Variants in PTPRN2 observed in about 807,000 individuals in gnomAD.
PTPRN2 encodes the protein protein tyrosine phosphatase receptor type N2, also known as receptor-type tyrosine-protein phosphatase N2.
A neutral mutation model predicts 118.8 loss-of-function variants in PTPRN2; 74 were observed. The ratio of observed to expected loss-of-function variants is 0.62; its 90% confidence interval spans 0.52 to 0.76. The LOEUF is 0.76. PTPRN2 is among the 30% of genes least tolerant of loss of function. The pLI is 0.00. For missense variants in PTPRN2, 1,481 were observed against 1,394.4 expected (o/e 1.06, Z -0.99); for synonymous variants, 641 against 608.0 (o/e 1.05, Z -0.80).
chr7:158,581,136 A>G (rs1828604327), intron 1 of PTPRN2, among the ~76,000 whole-genome samples: 1 of 152,178 alleles, frequency 6.6e-6, no homozygotes, highest in Non-Finnish European at 1.5e-5. Context: ...ACATGTTCTG[A>G]CAGCGTGTAG....
chr7:158,433,048 TCTGCTCTC>T (rs1316336506), intron 2 of PTPRN2, among the ~76,000 whole-genome samples: 2 of 152,378 alleles, frequency 1.3e-5, no homozygotes, highest in Admixed American at 1.3e-4. Flanking sequence ...AATCACACTC[TCTGCTCTC>T]CTGAATCCGG....
At chr7:158,023,668 G>A (rs1430554983) in intron 11 of PTPRN2, among the ~76,000 whole-genome samples, 1 of 152,122 alleles carries the variant, frequency 6.6e-6, no homozygotes, top group Non-Finnish European at 1.5e-5. Flanking sequence ...CTTGCATTCA[G>A]CAGACACACA....
At chr7:157,827,912 A>C (rs1807295514) in intron 12 of PTPRN2, among the ~76,000 whole-genome samples, 2 of 152,248 alleles carry the variant, frequency 1.3e-5, no homozygotes, top group Admixed American at 6.5e-5. Flanking sequence ...AAAGGTAAAC[A>C]TAAAGAAAAT....
chr7:157,613,938 C>G, intron 15 of PTPRN2: 1 of 449,442 alleles, frequency 2.2e-6, no homozygotes, highest in Non-Finnish European at 4.6e-6. Flanking sequence ...GGCCACATGG[C>G]CAGGGGCGAC....
intron 12 of PTPRN2, among the ~76,000 whole-genome samples, chr7:157,867,883 G>A (rs1007173015): frequency 5.9e-5 from 9 of 152,178 alleles, no homozygotes; most frequent in African/African-American, 1.4e-4. Context: ...GCAAAGGGCC[G>A]CAGGCGTGGT....
At chr7:158,036,366 A>T (rs923687181) in intron 11 of PTPRN2, among the ~76,000 whole-genome samples, 1 of 152,230 alleles carries the variant, frequency 6.6e-6, no homozygotes, top group Non-Finnish European at 1.5e-5. Context: ...CACTAAAGCC[A>T]GGTGACTTAA....
At chr7:158,299,908 T>C (rs1800764221) in intron 3 of PTPRN2, among the ~76,000 whole-genome samples, 1 of 152,134 alleles carries the variant, frequency 6.6e-6, no homozygotes, top group Non-Finnish European at 1.5e-5. Flanking sequence ...TGAAAGGCCC[T>C]TGGACAGTAT....
At chr7:157,564,810 G>A (rs545973903) in intron 21 of PTPRN2, among the ~76,000 whole-genome samples, 1 of 152,312 alleles carries the variant, frequency 6.6e-6, no homozygotes, top group East Asian at 1.9e-4. Flanking sequence ...TGGCGATTCC[G>A]CCCCAGGGAC....
chr7:158,188,324 CTCGCCCCCTGATGGGGAAGGCCG>C, intron 5 of PTPRN2, among the ~76,000 whole-genome samples: 1 of 101,488 alleles, frequency 9.9e-6, no homozygotes, highest in Non-Finnish European at 1.9e-5. Context: ...GGCCGCCACG[CTCGCCCCCTGATGGGGAAGGCCG>C]CCACGCTCGC....
chr7:158,065,742 TA>T (rs1304918959), intron 11 of PTPRN2, among the ~76,000 whole-genome samples: 2 of 152,162 alleles, frequency 1.3e-5, no homozygotes, highest in South Asian at 4.2e-4. Flanking sequence ...ACGAGGACCT[TA>T]AAAAAAACCA....
chr7:157,711,894 C>A, intron 12 of PTPRN2, among the ~76,000 whole-genome samples: 1 of 143,768 alleles, frequency 7.0e-6, no homozygotes. Flanking sequence ...ACATCAGGGG[C>A]TGTAGCCTCC....
intron 1 of PTPRN2, among the ~76,000 whole-genome samples, chr7:158,577,447 C>T (rs1445529480): frequency 2.8e-5 from 4 of 141,408 alleles, no homozygotes; most frequent in Non-Finnish European, 4.6e-5. Context: ...TGAGGGCTGC[C>T]CACCCTGCCT....
intron 11 of PTPRN2, among the ~76,000 whole-genome samples, chr7:158,066,951 A>G (rs1810821060): frequency 6.6e-6 from 1 of 152,216 alleles, no homozygotes; most frequent in African/African-American, 2.4e-5. Flanking sequence ...ATCTTCCTTC[A>G]ATATCAGCAA....
intron 2 of PTPRN2, among the ~76,000 whole-genome samples, chr7:158,456,080 G>A (rs1443093831): frequency 7.3e-5 from 11 of 149,726 alleles, no homozygotes; most frequent in African/African-American, 9.9e-5. Flanking sequence ...GGACGCCATC[G>A]GCCACGGCCC....
intron 21 of PTPRN2, among the ~76,000 whole-genome samples, chr7:157,552,041 AC>A (rs1462446690): frequency 2.7e-5 from 4 of 149,954 alleles, no homozygotes; most frequent in Non-Finnish European, 5.9e-5. Context: ...GCTGGCACAC[AC>A]CCCATGACCA....
chr7:158,180,798 C>A (rs966130045), intron 5 of PTPRN2, among the ~76,000 whole-genome samples: 4 of 152,144 alleles, frequency 2.6e-5, no homozygotes, highest in African/African-American at 9.7e-5. Flanking sequence ...ATTTTGTAAC[C>A]TGAGACTTTC....
At chr7:157,577,036 A>G (rs1235391988) in intron 18 of PTPRN2, among the ~76,000 whole-genome samples, 1 of 152,174 alleles carries the variant, frequency 6.6e-6, no homozygotes, top group African/African-American at 2.4e-5. Flanking sequence ...TAATTTTTTA[A>G]AAGGTTACAA....
At chr7:157,767,784 G>A (rs1802572584) in intron 12 of PTPRN2, among the ~76,000 whole-genome samples, 1 of 152,238 alleles carries the variant, frequency 6.6e-6, no homozygotes, top group Non-Finnish European at 1.5e-5. Flanking sequence ...GGCCTGCCAG[G>A]CTCAGACCTG....
intron 1 of PTPRN2, among the ~76,000 whole-genome samples, chr7:158,519,683 A>T (rs1402266177): frequency 6.6e-6 from 1 of 152,144 alleles, no homozygotes; most frequent in East Asian, 1.9e-4. Context: ...CCCAAGGGAG[A>T]AAGGGGCCCT....
Sources: allele counts gnomAD v4.1 joint callset (sites outside exome capture counted in the v4.1 genomes callset), GRCh38; gene constraint gnomAD v4.1.1; transcripts MANE v1.5; gene names NCBI Gene and HGNC (gene_info 2026-07-23, HGNC 2026-07-21).